The following MAF variants were observed in gnomAD, a reference collection of about 807,000 sequenced individuals.
The protein encoded by MAF is transcription factor Maf.
In MAF, 10 loss-of-function variants were observed where a neutral mutation model predicts 22.0. The ratio of observed to expected loss-of-function variants is 0.45; its 90% CI spans 0.28 to 0.77. The LOEUF (loss-of-function observed/expected upper bound fraction) is 0.77. Ranked by LOEUF, MAF falls within the 30% of genes least tolerant of loss-of-function variation. The probability of loss-of-function intolerance (pLI) is 0.12; values close to 1 mark genes in which losing one functional copy is unlikely to be tolerated. For synonymous variants in MAF, 337 were observed against 255.8 expected (o/e 1.32, Z -3.03); for missense variants, 544 against 548.4 (o/e 0.99, Z 0.08).
At chr16:79,499,216 G>T in the MAF span, among the ~76,000 whole-genome samples, 1 of 151,044 alleles carries the variant, frequency 6.6e-6, no homozygotes, top group African/African-American at 2.5e-5. Flanking sequence ...ACCCTCTTTT[G>T]TGGCTGGGCT....
the MAF span, among the ~76,000 whole-genome samples, chr16:79,300,488 G>A: frequency 3.9e-5 from 6 of 152,118 alleles, no homozygotes; most frequent in Admixed American, 1.3e-4. Flanking sequence ...CCGGGAGGTG[G>A]AGGTTGCAGT....
At chr16:79,522,456 G>T in the MAF span, among the ~76,000 whole-genome samples, 229 of 152,310 alleles carry the variant, frequency 1.5e-3, 1 homozygote, top group Non-Finnish European at 1.6e-3. Context: ...GTGTGCACAA[G>T]TTGAAGGAAT....
chr16:79,269,071 C>T, the MAF span, among the ~76,000 whole-genome samples: 1 of 152,200 alleles, frequency 6.6e-6, no homozygotes, highest in African/African-American at 2.4e-5. Flanking sequence ...TTATGGAAAG[C>T]AGCTTTAATG....
At position 79,594,560 on chromosome 16, in the gene MAF, T is replaced by G; in HGVS notation, c.1119-7A>C. On this transcript the variant is annotated splice_region_variant and splice_polypyrimidine_tract_variant and intron_variant, in intron 1 of 1. Transcript: ENST00000326043. ...CTTGCGAGTGGGCTCAGTTCTGTAA[T>G]TGGAATGAAAGGAATTTTAACACTA... The G allele has an allele frequency of 6.4e-7, 1 of 1,557,008 alleles. No individual in the cohort carries two copies.
chr16:79,434,697 G>C, the MAF span, among the ~76,000 whole-genome samples: 15 of 151,642 alleles, frequency 9.9e-5, no homozygotes, highest in African/African-American at 3.6e-4. Context: ...AGTTTTAATA[G>C]AGAACATCAT....
At chr16:79,271,088 T>TTTTTTTTTTTTTTTTAG in the MAF span, among the ~76,000 whole-genome samples, 1 of 143,046 alleles carries the variant, frequency 7.0e-6, no homozygotes, top group African/African-American at 2.6e-5. Flanking sequence ...TTTTTATTTT[T>TTTTTTTTTTTTTTTTAG]TATTTTTAGT....
At chr16:79,490,047 G>C in the MAF span, among the ~76,000 whole-genome samples, 2 of 152,180 alleles carry the variant, frequency 1.3e-5, no homozygotes, top group Non-Finnish European at 2.9e-5. Flanking sequence ...GGTTTGGAAC[G>C]GGTGTGTCTA....
At chr16:79,559,320 C>T in the MAF span, among the ~76,000 whole-genome samples, 1 of 152,158 alleles carries the variant, frequency 6.6e-6, no homozygotes, top group African/African-American at 2.4e-5. Flanking sequence ...ACCCACATTG[C>T]AAGAACGAAA....
chr16:79,501,249 G>A, the MAF span, among the ~76,000 whole-genome samples: 1 of 152,186 alleles, frequency 6.6e-6, no homozygotes, highest in Non-Finnish European at 1.5e-5. Context: ...AGGGTTGTCA[G>A]ATCCTTCTTT....
chr16:79,305,933 G>C, the MAF span, among the ~76,000 whole-genome samples: 1,099 of 152,282 alleles, frequency 7.2e-3, 11 homozygotes, highest in African/African-American at 0.025. Flanking sequence ...GTCCTGGCTT[G>C]TATTAGACCC....
At chr16:79,567,702 C>T in the MAF span, among the ~76,000 whole-genome samples, 1 of 152,228 alleles carries the variant, frequency 6.6e-6, no homozygotes, top group Non-Finnish European at 1.5e-5. Flanking sequence ...CTACCATCGC[C>T]TCCATGAGCA....
chr16:79,317,584 T>C, the MAF span, among the ~76,000 whole-genome samples: 3 of 151,760 alleles, frequency 2.0e-5, no homozygotes, highest in Non-Finnish European at 4.4e-5. Flanking sequence ...CCGCCCTTCC[T>C]TTCTACCACA....
the MAF span, among the ~76,000 whole-genome samples, chr16:79,217,344 G>A: frequency 2.6e-5 from 4 of 152,322 alleles, 1 homozygote; most frequent in African/African-American, 7.2e-5. Context: ...CTATAGACTA[G>A]AAGCATATAT....
chr16:79,364,212 G>T, the MAF span, among the ~76,000 whole-genome samples: 1 of 152,192 alleles, frequency 6.6e-6, no homozygotes, highest in African/African-American at 2.4e-5. Context: ...TCACTGTGGG[G>T]GATGTGAATT....
At chr16:79,377,467 T>C in the MAF span, among the ~76,000 whole-genome samples, 3 of 152,108 alleles carry the variant, frequency 2.0e-5, no homozygotes, top group Non-Finnish European at 4.4e-5. Flanking sequence ...TTTTCTCCCA[T>C]TCTGTAGGTT....
chr16:79,576,232 A>T, the MAF span, among the ~76,000 whole-genome samples: 3 of 75,270 alleles, frequency 4.0e-5, no homozygotes, highest in African/African-American at 2.4e-4. Flanking sequence ...CTGTGGTACT[A>T]AAAAAAAAAA....
chr16:79,359,907 G>A, the MAF span, among the ~76,000 whole-genome samples: 1 of 152,282 alleles, frequency 6.6e-6, no homozygotes, highest in South Asian at 2.1e-4. Context: ...AGAAGAGAAG[G>A]CCATGGGATA....
the MAF span, among the ~76,000 whole-genome samples, chr16:79,213,734 C>G: frequency 6.6e-6 from 1 of 152,332 alleles, no homozygotes; most frequent in East Asian, 1.9e-4. Flanking sequence ...GACTATCCAG[C>G]CCCAGCTGTG....
chr16:79,398,635 ATGTG>A, the MAF span, among the ~76,000 whole-genome samples: 2 of 151,452 alleles, frequency 1.3e-5, no homozygotes, highest in Admixed American at 6.6e-5. Context: ...GTCTATCTGT[ATGTG>A]TGTGTGTGTG....
Sources: allele counts gnomAD v4.1 joint callset (sites outside exome capture counted in the v4.1 genomes callset), GRCh38; gene constraint gnomAD v4.1.1; transcripts MANE v1.5; gene names NCBI Gene and HGNC (gene_info 2026-07-23, HGNC 2026-07-21).